The following ARPIN variants were observed in gnomAD, a reference collection of about 807,000 sequenced individuals.
ARPIN encodes the protein UPF0552 protein C15orf38.
A neutral mutation model predicts 25.9 loss-of-function variants in ARPIN; 23 were observed. That is an observed-to-expected ratio of 0.89 (90% confidence interval 0.64 to 1.26). ARPIN has a LOEUF of 1.26. Ranked by LOEUF, ARPIN falls within the 50% of genes most tolerant of loss-of-function variation. The pLI is 0.00. For missense variants in ARPIN, 333 were observed against 312.2 expected, an observed-to-expected ratio of 1.07 and a Z score of -0.50; for synonymous variants, 126 against 131.4, an observed-to-expected ratio of 0.96 and a Z score of 0.28.
chr15:89,911,929 C>G (rs918765836), intron 1 of ARPIN: 5 of 153,026 alleles, frequency 3.3e-5, no homozygotes, highest in African/African-American at 1.2e-4. Context: ...CAGGTTCAAG[C>G]GATTCTCATG....
rs1896957063 is a variant in ARPIN at position 89,898,010 on chromosome 15, T to A, written c.*3785A>T. ...CTACTTGGGATTACAGTAATCCTCC[T>A]GCTGAGGCAGGAGAAACTCTTGAAC... On this transcript the variant is annotated 3_prime_UTR_variant, in exon 6 of 6. Transcript: ENST00000357484. 6.6e-6 allele frequency: 1 copy of A among 151,266 alleles called. No homozygotes were observed. The allele number at this position is 151,266 out of a possible 1,614,324, so 9.4% of individuals were successfully genotyped here.
At position 89,899,367 on chromosome 15, in the gene ARPIN, G is replaced by A. The variant is rs957117344; in HGVS notation, c.*2428C>T. The A allele has an allele frequency of 6.6e-6, 1 of 152,584 alleles. No homozygotes were observed. Among genetic ancestry groups the A allele is most frequent in the African/African-American group, 2.4e-5 (1 of 41,548 alleles). 9.5% of individuals were successfully genotyped at this position (152,584 alleles called of 1,614,324 possible). ...CCCAAAGTGCTAAGATTACAGGCGT[G>A]AGCGACTGCACCCAGCCCTGGGGCC... On this transcript the variant is annotated 3_prime_UTR_variant, in exon 6 of 6. Transcript: ENST00000357484.
At chr15:89,906,406 G>C (rs1236969038) in intron 3 of ARPIN, among the ~76,000 whole-genome samples, 1 of 152,102 alleles carries the variant, frequency 6.6e-6, no homozygotes, top group Non-Finnish European at 1.5e-5. Context: ...CTGCCTCTCT[G>C]AAACACCCTG....
chr15:89,904,032 C>T, intron 3 of ARPIN, 49 bp from the exon 4 acceptor site: 2 of 1,554,418 alleles, frequency 1.3e-6, no homozygotes, highest in South Asian at 1.2e-5. Flanking sequence ...GCAGCAAGAA[C>T]TTCCGGAGGG....
intron 3 of ARPIN, among the ~76,000 whole-genome samples, chr15:89,904,450 C>T (rs1829796681): frequency 6.6e-6 from 1 of 152,158 alleles, no homozygotes; most frequent in Non-Finnish European, 1.5e-5. Flanking sequence ...ATTCAAAGCA[C>T]CCCAACACAT....
rs777490432 is a variant in ARPIN at position 89,910,786 on chromosome 15, G to A, written c.126C>T (p.Ile42=). 9 of 1,614,036 alleles carry A rather than the reference G, an allele frequency of 5.6e-6. No homozygotes were observed. Among genetic ancestry groups the A allele is most frequent in the Admixed American group, 1.7e-5 (1 of 59,996 alleles). ...CCAAGATGCTGTGCCGAGATACATC[G>A]ATCAGTTCTCCCTCCAGCAGGACAC... ...GNGVLLEGEL[I]DVSRHSILDT... The change falls in exon 2 of 6, where the codon ATC becomes ATT. Residue 42 remains isoleucine (I), a synonymous_variant. Transcript: ENST00000357484.
chr15:89,912,770 C>A lies in ARPIN; in HGVS notation c.66G>T (p.Gly22=). 6.6e-7 allele frequency: 1 copy of A among 1,504,490 alleles called. No individual in the cohort carries two copies. Among genetic ancestry groups the A allele is most frequent in the Admixed American group, 2.1e-5 (1 of 47,198 alleles). The allele number at this position is 1,504,490 out of a possible 1,614,324, so 93.2% of individuals were successfully genotyped here. The change falls in exon 1 of 6, where the codon GGG becomes GGT. Residue 22 remains glycine (G), a synonymous_variant. Coordinates refer to ENST00000357484, the MANE Select transcript of ARPIN (RefSeq NM_182616.4). ...NKAVQSVRLP[G]AWDPAAHQGG... ...CCTGGTGGGCGGCGGGGTCCCAGGCCCCTGGCAGCCGGACGCTCTGCACCG... is the reference window on the plus strand; with the variant it reads ...CCTGGTGGGCGGCGGGGTCCCAGGCACCTGGCAGCCGGACGCTCTGCACCG...
In ARPIN at chr15:89,899,668, C is replaced by T. The variant is rs1174509922; in HGVS notation, c.*2127G>A. 6.6e-6 allele frequency: 1 copy of T among 152,272 alleles called. No homozygotes were observed. The highest frequency in any genetic ancestry group is 2.4e-5 in the African/African-American group (1 of 41,362). The allele number at this position is 152,272 out of a possible 1,614,324, so 9.4% of individuals were successfully genotyped here. A position where few individuals can be genotyped will look rare whatever the true frequency, so the allele number is the denominator to read the frequency against. On this transcript the variant is annotated 3_prime_UTR_variant, in exon 6 of 6. Coordinates refer to ENST00000357484, the MANE Select transcript of ARPIN (RefSeq NM_182616.4). ...CCCCTGCCACTGCTATAGACCAGAC[C>T]CCTCTAGCCTCTCACCCAGGCAACT...
rs923335890 is a variant in ARPIN at position 89,912,913 on chromosome 15, G to A, written c.-78C>T. 6.4e-6 allele frequency: 9 copies of A among 1,415,036 alleles called. No homozygotes were observed. In the African/African-American group the frequency reaches 1.1e-4, roughly 17 times the overall value. The allele number at this position is 1,415,036 out of a possible 1,614,324, so 87.7% of individuals were successfully genotyped here. A position where few individuals can be genotyped will look rare whatever the true frequency, so the allele number is the denominator to read the frequency against. ...CGCGGCGCGGGAAGTGCTGCAGGAC[G>A]CGCGGGGACCCGCGATTCCCAGCCG... On this transcript the variant is annotated 5_prime_UTR_variant, in exon 1 of 6. Coordinates refer to ENST00000357484, the MANE Select transcript of ARPIN (RefSeq NM_182616.4).
rs1483899327 is a variant in ARPIN at position 89,900,526 on chromosome 15, G to A, written c.*1269C>T. ...CATGAGAAAATGGGAATAATAATCA[G>A]TACCTCATGGACTGTTGTGAGAAGT... On this transcript the variant is annotated 3_prime_UTR_variant, in exon 6 of 6. Coordinates refer to ENST00000357484, the MANE Select transcript of ARPIN (RefSeq NM_182616.4). 1 of 152,188 alleles carries A rather than the reference G, an allele frequency of 6.6e-6. No homozygotes were observed. The highest frequency in any genetic ancestry group is 6.5e-5 in the Admixed American group (1 of 15,280). The allele number at this position is 152,188 out of a possible 1,614,324, so 9.4% of individuals were successfully genotyped here. A position where few individuals can be genotyped will look rare whatever the true frequency, so the allele number is the denominator to read the frequency against.
At chr15:89,912,383 G>A (rs1404131241) in intron 1 of ARPIN, 5 of 1,058,528 alleles carry the variant, frequency 4.7e-6, no homozygotes, top group Non-Finnish European at 5.7e-6. Flanking sequence ...GGCAGGGCAT[G>A]AGTCTGTGCA....
At chr15:89,905,167 G>A (rs563983953) in intron 3 of ARPIN, among the ~76,000 whole-genome samples, 4 of 152,118 alleles carry the variant, frequency 2.6e-5, no homozygotes, top group Admixed American at 6.5e-5. Context: ...GATTACAGGC[G>A]TGTGCCACTA....
rs1896932036 is a variant in ARPIN, at chr15:89,896,423, G to A, written c.*5372C>T. ...AATAATTTTAATATGTGATGTAGGA[G>A]TGGGAAGGAATTCAGTAAATACTAT... On this transcript the variant is annotated 3_prime_UTR_variant, in exon 6 of 6. Transcript: ENST00000357484. 6.6e-6 allele frequency: 1 copy of A among 152,184 alleles called. No individual in the cohort carries two copies. The highest frequency in any genetic ancestry group is 2.4e-5 in the African/African-American group (1 of 41,454). The allele number at this position is 152,184 out of a possible 1,614,324, so 9.4% of individuals were successfully genotyped here. A position where few individuals can be genotyped will look rare whatever the true frequency, so the allele number is the denominator to read the frequency against.
chr15:89,907,526 A>G (rs779504708), intron 3 of ARPIN, among the ~76,000 whole-genome samples: 7 of 152,226 alleles, frequency 4.6e-5, no homozygotes, highest in Non-Finnish European at 8.8e-5. Flanking sequence ...GCCTTCTGCC[A>G]TGTGAGGACT....
chr15:89,904,559 T>G (rs577938572), intron 3 of ARPIN, among the ~76,000 whole-genome samples: 1 of 152,228 alleles, frequency 6.6e-6, no homozygotes, highest in South Asian at 2.1e-4. Flanking sequence ...TAAACTCTGG[T>G]AGTCCCCCTC....
At chr15:89,909,553 C>T (rs1424039614) in intron 2 of ARPIN, among the ~76,000 whole-genome samples, 1 of 152,128 alleles carries the variant, frequency 6.6e-6, no homozygotes, top group African/African-American at 2.4e-5. Flanking sequence ...AGTTGGCATT[C>T]GGAGTTTGGA....
chr15:89,906,392 C>A (rs1897120563), intron 3 of ARPIN, among the ~76,000 whole-genome samples: 1 of 152,168 alleles, frequency 6.6e-6, no homozygotes, highest in South Asian at 2.1e-4. Flanking sequence ...GCATTGGGCA[C>A]CCTCTGCCTC....
rs1897007522 is a variant in ARPIN at position 89,900,862 on chromosome 15, G to A, written c.*933C>T. 6.6e-6 allele frequency: 1 copy of A among 151,826 alleles called. No individual in the cohort carries two copies. Among genetic ancestry groups the A allele is most frequent in the Non-Finnish European group, 1.5e-5 (1 of 67,952 alleles). The allele number at this position is 151,826 out of a possible 1,614,324, so 9.4% of individuals were successfully genotyped here. ...TTTACACCTGACAATAACCCAGTAA[G>A]GGTGGAGGAATTCCTTTCTGAAGAT... On this transcript the variant is annotated 3_prime_UTR_variant, in exon 6 of 6. Transcript: ENST00000357484.
chr15:89,905,668 G>A (rs778472970), intron 3 of ARPIN, among the ~76,000 whole-genome samples: 18 of 152,032 alleles, frequency 1.2e-4, no homozygotes, highest in Non-Finnish European at 1.2e-4. Context: ...CCTTGGCTTC[G>A]CGGGGCTTTA....
Sources: allele counts gnomAD v4.1 joint callset (sites outside exome capture counted in the v4.1 genomes callset), GRCh38; gene constraint gnomAD v4.1.1; transcripts MANE v1.5; gene names NCBI Gene and HGNC (gene_info 2026-07-23, HGNC 2026-07-21).